CCDC102B: variants seen among roughly 807,000 people sequenced by gnomAD.
CCDC102B encodes coiled-coil domain containing 102B.
A neutral mutation model predicts 57.4 loss-of-function variants in CCDC102B; 75 were observed. The observed-to-expected ratio is 1.31, with a 90% CI of 1.08 to 1.58. CCDC102B has a LOEUF of 1.58. CCDC102B is among the 40% of genes most tolerant of loss of function. The pLI, the probability that CCDC102B is intolerant of heterozygous loss-of-function variation, is 0.00. For missense variants in CCDC102B, 636 were observed against 582.6 expected (o/e 1.09, Z -0.94); for synonymous variants, 206 against 201.9 (o/e 1.02, Z -0.17).
chr18:68,915,168 G>T (rs1202990357), intron 6 of CCDC102B, among the ~76,000 whole-genome samples: 2 of 152,180 alleles, frequency 1.3e-5, no homozygotes, highest in Admixed American at 1.3e-4. Context: ...CTGCACTCAC[G>T]CTTGAAGCTC....
intron 6 of CCDC102B, among the ~76,000 whole-genome samples, chr18:69,000,471 C>T (rs1294921643): frequency 2.6e-5 from 4 of 152,018 alleles, no homozygotes; most frequent in South Asian, 2.1e-4. Context: ...TGACTATATA[C>T]GTATATAGAC....
At chr18:68,917,582 T>C (rs964277645) in intron 6 of CCDC102B, among the ~76,000 whole-genome samples, 5 of 152,210 alleles carry the variant, frequency 3.3e-5, no homozygotes, top group African/African-American at 1.2e-4. Flanking sequence ...TAAAGTATCC[T>C]TCTATCTTGT....
Position 68,874,722 on chromosome 18 carries a change from T to C in CCDC102B, c.990T>C (p.Asn330=), listed in dbSNP as rs1240324890. 1.2e-6 allele frequency: 2 copies of C among 1,612,440 alleles called. No homozygotes were observed. The highest frequency in any genetic ancestry group is 1.7e-6 in the Non-Finnish European group (2 of 1,178,854). Residue 330 remains asparagine, a synonymous_variant, in exon 5 of 8, where the codon AAT becomes AAC. Coordinates refer to ENST00000360242, the MANE Select transcript of CCDC102B (RefSeq NM_024781.3). ...HNDEMQELSG[N]IKEESKSQNS... is the part of the protein sequence containing the mutation. ...ATGAAATGCAAGAACTGTCAGGCAA[T>C]ATAAAGGAAGAATCCAAATCTCAAA...
intron 1 of CCDC102B, among the ~76,000 whole-genome samples, chr18:68,811,545 G>A (rs2144713371): frequency 6.6e-6 from 1 of 152,300 alleles, no homozygotes; most frequent in South Asian, 2.1e-4. Flanking sequence ...AACCTGGGAG[G>A]CAGAGGTTGC....
chr18:68,897,469 C>T (rs1381078244), intron 6 of CCDC102B, 41 bp downstream of exon 6: 2 of 1,591,190 alleles, frequency 1.3e-6, no homozygotes, highest in Non-Finnish European at 1.7e-6. Context: ...TGTCTAATCT[C>T]ACTCTGATGC....
chr18:68,868,026 A>G (rs1053269452), intron 4 of CCDC102B, among the ~76,000 whole-genome samples: 1 of 152,078 alleles, frequency 6.6e-6, no homozygotes, highest in Non-Finnish European at 1.5e-5. Flanking sequence ...AATCCAGACA[A>G]TTATCATTGA....
intron 2 of CCDC102B, among the ~76,000 whole-genome samples, chr18:68,722,991 A>C (rs2145188545): frequency 6.6e-6 from 1 of 151,748 alleles, no homozygotes; most frequent in East Asian, 1.9e-4. Context: ...GCTGTGAAGA[A>C]ATATGAGACA....
At chr18:68,753,946 A>G (rs1358502808) in intron 2 of CCDC102B, 1 of 152,140 alleles carries the variant, frequency 6.6e-6, no homozygotes, top group Non-Finnish European at 1.5e-5. Context: ...AATAATAAAA[A>G]TGATTCAAAT....
chr18:68,983,381 C>T (rs2050643787), intron 6 of CCDC102B, among the ~76,000 whole-genome samples: 1 of 151,924 alleles, frequency 6.6e-6, no homozygotes, highest in African/African-American at 2.4e-5. Flanking sequence ...TAAGTGAGGT[C>T]TTAATGGACC....
intron 1 of CCDC102B, among the ~76,000 whole-genome samples, chr18:68,821,190 T>A (rs34915590): frequency 0.18 from 27,857 of 151,810 alleles, 2,739 homozygotes; most frequent in Non-Finnish European, 0.23. Context: ...CATACTTAAG[T>A]CAGAAAAGAA....
chr18:68,867,450 T>C (rs1408011580), intron 4 of CCDC102B, among the ~76,000 whole-genome samples: 1 of 152,190 alleles, frequency 6.6e-6, no homozygotes, highest in Non-Finnish European at 1.5e-5. Context: ...CAGTGGAAAC[T>C]GCCAGCTCTG....
intron 1 of CCDC102B, among the ~76,000 whole-genome samples, chr18:68,806,682 T>A (rs2036044732): frequency 1.3e-5 from 2 of 152,156 alleles, no homozygotes; most frequent in South Asian, 4.1e-4. Context: ...GAAATATAAT[T>A]CAAGCAACAT....
rs1491296876 is a variant in CCDC102B at position 68,733,507 on chromosome 18, T to TATATATATATATA, written c.-67+16913_-67+16914insATATATATATATA. On this transcript the variant is annotated intron_variant, in intron 2 of 3. Coordinates refer to the CCDC102B transcript ENST00000578970. ...ATATATATATATATATATATATATA[T>TATATATATATATA]TTTTTTAACTTAAGCATGCTTTAAG... Among the ~76,000 whole-genome samples the TATATATATATATA allele has an allele frequency of 4.5e-4, 34 of 76,112 alleles. 2 individuals are homozygous for TATATATATATATA. Among genetic ancestry groups the TATATATATATATA allele is most frequent in the African/African-American group, 7.6e-4 (13 of 16,996 alleles). 49.9% of individuals were successfully genotyped at this position (76,112 alleles called of 152,430 possible).
chr18:69,039,622 C>A (rs1169042638), intron 7 of CCDC102B, among the ~76,000 whole-genome samples: 1 of 151,856 alleles, frequency 6.6e-6, no homozygotes, highest in East Asian at 1.9e-4. Context: ...CTTATATCCT[C>A]TTCAATATTT....
chr18:69,038,780 C>A (rs76156180), intron 7 of CCDC102B, among the ~76,000 whole-genome samples: 4,502 of 151,902 alleles, frequency 0.03, 147 homozygotes, highest in East Asian at 0.16. Flanking sequence ...AGACACTCTC[C>A]CCCAAATCAT....
At chr18:68,835,029 T>C (rs1255198082) in intron 1 of CCDC102B, among the ~76,000 whole-genome samples, 1 of 152,130 alleles carries the variant, frequency 6.6e-6, no homozygotes, top group Non-Finnish European at 1.5e-5. Context: ...AATGGGTAAT[T>C]ATATACAGCC....
chr18:68,878,863 C>T (rs986471154), intron 5 of CCDC102B, among the ~76,000 whole-genome samples: 1 of 152,160 alleles, frequency 6.6e-6, no homozygotes, highest in Non-Finnish European at 1.5e-5. Context: ...TTGGTGGGTT[C>T]TTGGTCTCAC....
At chr18:69,002,765 A>T (rs2051239493) in intron 6 of CCDC102B, among the ~76,000 whole-genome samples, 5 of 152,118 alleles carry the variant, frequency 3.3e-5, no homozygotes, top group Admixed American at 2.6e-4. Flanking sequence ...CGTATACTTC[A>T]CTGTCTCAAT....
At chr18:68,820,148 G>A (rs757502004) in intron 1 of CCDC102B, among the ~76,000 whole-genome samples, 3 of 151,938 alleles carry the variant, frequency 2.0e-5, no homozygotes, top group Non-Finnish European at 2.9e-5. Context: ...TATTTTCGGG[G>A]GTAAAGCTAT....
Sources: allele counts gnomAD v4.1 joint callset (sites outside exome capture counted in the v4.1 genomes callset), GRCh38; gene constraint gnomAD v4.1.1; transcripts MANE v1.5; gene names NCBI Gene and HGNC (gene_info 2026-07-23, HGNC 2026-07-21).